Variants in KIAA0232 observed in about 807,000 individuals in gnomAD.
KIAA0232 encodes KIAA0232, also known as uncharacterized protein KIAA0232.
KIAA0232 carries 27 observed loss-of-function variants against 122.0 expected under a neutral mutation model. That is an observed-to-expected ratio of 0.22 (90% CI 0.16 to 0.31). The LOEUF is 0.31. KIAA0232 is among the 10% of genes least tolerant of loss of function. The pLI, the probability that KIAA0232 is intolerant of heterozygous loss-of-function variation, is 1.00. For missense variants in KIAA0232, 1,551 were observed against 1,634.2 expected, an observed-to-expected ratio of 0.95 and a Z score of 0.88; for synonymous variants, 613 against 587.6, an observed-to-expected ratio of 1.04 and a Z score of -0.63.
At chr4:6,809,206 T>G (rs558554100) in intron 2 of KIAA0232, among the ~76,000 whole-genome samples, 1 of 152,368 alleles carries the variant, frequency 6.6e-6, no homozygotes, top group Non-Finnish European at 1.5e-5. Flanking sequence ...TTTACCAGAA[T>G]GCTGGTTTCA....
At chr4:6,858,999 G>A (rs1720706044) in intron 6 of KIAA0232, among the ~76,000 whole-genome samples, 2 of 151,336 alleles carry the variant, frequency 1.3e-5, no homozygotes, top group African/African-American at 4.9e-5. Context: ...TCAGGAGACC[G>A]AGGCAGGAGA....
chr4:6,847,681 T>G (rs1297876620), intron 4 of KIAA0232, among the ~76,000 whole-genome samples: 1 of 152,144 alleles, frequency 6.6e-6, no homozygotes, highest in Non-Finnish European at 1.5e-5. Context: ...TTGCAGTTAG[T>G]AATGGGGTCT....
At chr4:6,854,194 AT>A (rs1359459092) in intron 4 of KIAA0232, among the ~76,000 whole-genome samples, 1 of 152,252 alleles carries the variant, frequency 6.6e-6, no homozygotes, top group Non-Finnish European at 1.5e-5. Flanking sequence ...TGACACCAAC[AT>A]TTAAGTGACT....
intron 3 of KIAA0232, among the ~76,000 whole-genome samples, chr4:6,828,903 A>G (rs1475163756): frequency 1.3e-5 from 2 of 152,110 alleles, no homozygotes; most frequent in African/African-American, 4.8e-5. Context: ...ATTAGCATTG[A>G]TGAAACTTTA....
At position 6,863,605 on chromosome 4, in the gene KIAA0232, A is replaced by G. The variant is rs377131932; in HGVS notation, c.3223A>G (p.Ile1075Val). 5.9e-5 allele frequency: 96 copies of G among 1,614,028 alleles called. No homozygotes were observed. Among genetic ancestry groups the G allele is most frequent in the Non-Finnish European group, 7.8e-5 (92 of 1,180,038 alleles). The change falls in exon 7 of 10, where the codon ATC becomes GTC. Residue 1075 changes from isoleucine (I) to valine (V), a missense_variant. Transcript: ENST00000307659. ...SFSPSFKPKSILCSDSDSEVF... is the reference protein window; with the variant it reads ...SFSPSFKPKSVLCSDSDSEVF... ...CAGCCCCAGTTTTAAACCGAAATCAATCCTCTGTTCTGATTCAGACAGTGA... is the reference window on the plus strand; with the variant it reads ...CAGCCCCAGTTTTAAACCGAAATCAGTCCTCTGTTCTGATTCAGACAGTGA...
intron 1 of KIAA0232, among the ~76,000 whole-genome samples, chr4:6,784,436 G>A (rs1056116299): frequency 6.9e-6 from 1 of 144,754 alleles, no homozygotes; most frequent in Admixed American, 6.7e-5. Context: ...GGGTGAGGGC[G>A]GGGGGGGAGG....
At chr4:6,852,052 T>C (rs76242499) in intron 4 of KIAA0232, among the ~76,000 whole-genome samples, 2,850 of 152,266 alleles carry the variant, frequency 0.019, 83 homozygotes, top group African/African-American at 0.065. Flanking sequence ...TCTTTTTTTT[T>C]CAGCATTCTA....
At chr4:6,808,067 C>G (rs930177006) in intron 2 of KIAA0232, among the ~76,000 whole-genome samples, 6 of 150,818 alleles carry the variant, frequency 4.0e-5, no homozygotes, top group African/African-American at 1.5e-4. Context: ...GACTATGTCT[C>G]AAAAAAGAAA....
At chr4:6,810,762 G>A (rs1042552887) in intron 2 of KIAA0232, among the ~76,000 whole-genome samples, 3 of 152,112 alleles carry the variant, frequency 2.0e-5, no homozygotes, top group African/African-American at 7.2e-5. Flanking sequence ...CCATTAAAAG[G>A]TGGGCAAAGA....
chr4:6,822,534 C>A (rs1718470484), intron 2 of KIAA0232, among the ~76,000 whole-genome samples: 1 of 152,010 alleles, frequency 6.6e-6, no homozygotes, highest in South Asian at 2.1e-4. Context: ...AAAATTCATG[C>A]AAAAGTTGAG....
At chr4:6,854,875 TG>T (rs1282332144) in intron 4 of KIAA0232, among the ~76,000 whole-genome samples, 1 of 152,184 alleles carries the variant, frequency 6.6e-6, no homozygotes, top group African/African-American at 2.4e-5. Flanking sequence ...GGATATGCTA[TG>T]CTACTGAAAT....
chr4:6,792,424 A>G lies in KIAA0232; in HGVS notation c.-354+9583A>G, dbSNP rs546223788. On this transcript the variant is annotated intron_variant, in intron 1 of 9. Transcript: ENST00000307659. ...CAACAAGTTTCTAACTACTCTGAAT[A>G]ATCATTTGTCATGTTAAAAATTTTC... Among the ~76,000 whole-genome samples the G allele has an allele frequency of 9.2e-5, 14 of 152,288 alleles. No individual in the cohort carries two copies. The South Asian group carries it at 1.2e-3, about 14-fold the overall frequency.
rs545495960 is a variant in KIAA0232, at chr4:6,792,672, T to C, written c.-354+9831T>C. On this transcript the variant is annotated intron_variant, in intron 1 of 9. Coordinates refer to ENST00000307659, the MANE Select transcript of KIAA0232 (RefSeq NM_014743.3). ...CAGTGATCTGCTGTTGTAGTCTTGATAGTCTTAGGTTTTTTTTTTTTTGTT... is the reference window on the plus strand; with the variant it reads ...CAGTGATCTGCTGTTGTAGTCTTGACAGTCTTAGGTTTTTTTTTTTTTGTT... Among the ~76,000 whole-genome samples, 23 of 150,544 alleles carry C rather than the reference T, an allele frequency of 1.5e-4. 1 individual carries two copies. In the South Asian group the frequency reaches 4.4e-3, roughly 29 times the overall value.
intron 4 of KIAA0232, among the ~76,000 whole-genome samples, chr4:6,851,839 A>AG (rs1191154733): frequency 6.6e-6 from 1 of 152,140 alleles, no homozygotes; most frequent in Non-Finnish European, 1.5e-5. Flanking sequence ...TTTTTGTAAA[A>AG]TGATGAAATG....
chr4:6,800,224 A>AT (rs1359613720), intron 1 of KIAA0232, among the ~76,000 whole-genome samples: 2 of 147,394 alleles, frequency 1.4e-5, no homozygotes, highest in Non-Finnish European at 3.0e-5. Flanking sequence ...TGCTTGGCCA[A>AT]TTTTTGTATT....
At chr4:6,835,760 T>C (rs1719234096) in intron 3 of KIAA0232, among the ~76,000 whole-genome samples, 1 of 152,152 alleles carries the variant, frequency 6.6e-6, no homozygotes, top group Non-Finnish European at 1.5e-5. Flanking sequence ...AGAATAATGG[T>C]TTTCATCTTC....
intron 8 of KIAA0232, among the ~76,000 whole-genome samples, chr4:6,875,522 C>T (rs1433288806): frequency 6.6e-6 from 1 of 152,150 alleles, no homozygotes; most frequent in Non-Finnish European, 1.5e-5. Context: ...GGAAGCAGCC[C>T]AGCAGGGCCC....
intron 3 of KIAA0232, among the ~76,000 whole-genome samples, chr4:6,826,013 G>A (rs1718660426): frequency 6.6e-6 from 1 of 152,086 alleles, no homozygotes; most frequent in Admixed American, 6.6e-5. Flanking sequence ...GCAGTGGTGT[G>A]ATCATAGCTC....
At chr4:6,873,547 A>G (rs1721606165) in intron 8 of KIAA0232, among the ~76,000 whole-genome samples, 1 of 152,178 alleles carries the variant, frequency 6.6e-6, no homozygotes, top group Non-Finnish European at 1.5e-5. Flanking sequence ...GCATAGGATG[A>G]TTTTGAGACA....
Sources: gnomAD v4.1 joint callset for allele counts (sites outside exome capture counted in the v4.1 genomes callset) on GRCh38, gnomAD v4.1.1 for gene constraint, MANE v1.5 for transcripts, NCBI Gene and HGNC (gene_info 2026-07-23, HGNC 2026-07-21) for gene names.